Variants in SFXN5 observed in about 807,000 individuals in gnomAD.
The protein encoded by SFXN5 is sideroflexin 5.
In SFXN5, 43 loss-of-function variants were observed where a neutral mutation model predicts 50.2. The ratio of observed to expected loss-of-function variants is 0.86; its 90% CI spans 0.67 to 1.11. The LOEUF (loss-of-function observed/expected upper bound fraction) is 1.11, where lower values mean the gene tolerates loss of function less well. Ranked by LOEUF, SFXN5 falls within the 50% of genes least tolerant of loss-of-function variation. The pLI, the probability that SFXN5 is intolerant of heterozygous loss-of-function variation, is 0.00. For synonymous variants in SFXN5, 203 were observed against 185.8 expected, an observed-to-expected ratio of 1.09 and a Z score of -0.75; for missense variants, 463 against 454.1, an observed-to-expected ratio of 1.02 and a Z score of -0.18.
chr2:72,968,029 C>T (rs1056988799), intron 12 of SFXN5, among the ~76,000 whole-genome samples: 2 of 151,682 alleles, frequency 1.3e-5, no homozygotes, highest in Admixed American at 6.6e-5. Flanking sequence ...AGATGCCTAC[C>T]CAAATCTAGT....
chr2:72,954,275 G>A lies in SFXN5; in HGVS notation c.945+6856C>T, dbSNP rs114342791. Among the ~76,000 whole-genome samples the A allele has an allele frequency of 4.5e-3, 680 of 152,254 alleles. 2 individuals carry two copies. Among genetic ancestry groups the A allele is most frequent in the African/African-American group, 0.016 (663 of 41,552 alleles). On this transcript the variant is annotated intron_variant, in intron 13 of 13. Transcript: ENST00000272433. ...CCCAGGGCTGACATGGGAGGCTCAGGGCAGGAAGCCCTGGCCCTGGGAGAC... is the reference window on the plus strand; with the variant it reads ...CCCAGGGCTGACATGGGAGGCTCAGAGCAGGAAGCCCTGGCCCTGGGAGAC...
At chr2:73,019,173 G>C (rs937432348) in intron 6 of SFXN5, among the ~76,000 whole-genome samples, 5 of 152,166 alleles carry the variant, frequency 3.3e-5, no homozygotes, top group Non-Finnish European at 7.3e-5. Context: ...AAAGAAGCCA[G>C]ACACAAAAGA....
At position 72,968,464 on chromosome 2, in the gene SFXN5, T is replaced by C; in HGVS notation, c.811A>G (p.Met271Val). The change falls in exon 12 of 14, where the codon ATG becomes GTG. Residue 271 changes from methionine to valine, a missense_variant. Coordinates refer to ENST00000272433, the MANE Select transcript of SFXN5 (RefSeq NM_144579.3). ...MPILVLPPIV[M>V]SMLEKTALLQ... ...CCAACTCACTTCTCCAGCATGGACA[T>C]GACGATCGGGGGTAGCACCAGGATG... is the stretch of plus-strand genomic sequence containing the variant. 1 of 1,591,796 alleles carries C rather than the reference T, an allele frequency of 6.3e-7. No homozygotes were observed. Among genetic ancestry groups the C allele is most frequent in the South Asian group, 1.1e-5 (1 of 90,674 alleles).
chr2:73,005,180 C>T (rs980306083), intron 6 of SFXN5, among the ~76,000 whole-genome samples: 5 of 152,206 alleles, frequency 3.3e-5, no homozygotes, highest in African/African-American at 1.2e-4. Flanking sequence ...ATTTCTAGCC[C>T]AGCCTCCACC....
intron 2 of SFXN5, among the ~76,000 whole-genome samples, chr2:73,045,928 G>A (rs536645629): frequency 1.6e-4 from 25 of 152,164 alleles, no homozygotes; most frequent in Admixed American, 1.2e-3. Flanking sequence ...CCAGGGACAC[G>A]TCGCTTTCCC....
intron 13 of SFXN5, among the ~76,000 whole-genome samples, chr2:72,948,183 A>G (rs1672162254): frequency 6.6e-6 from 1 of 152,212 alleles, no homozygotes; most frequent in South Asian, 2.1e-4. Context: ...CTTTTGCACC[A>G]TATGTCATTC....
intron 13 of SFXN5, among the ~76,000 whole-genome samples, chr2:72,947,290 G>A (rs554540324): frequency 6.6e-6 from 1 of 152,342 alleles, no homozygotes; most frequent in African/African-American, 2.4e-5. Context: ...AAGAGCACTG[G>A]AATAGAATAG....
intron 6 of SFXN5, among the ~76,000 whole-genome samples, chr2:73,018,445 T>C (rs1676437045): frequency 6.6e-6 from 1 of 152,046 alleles, no homozygotes; most frequent in African/African-American, 2.4e-5. Flanking sequence ...GAGTACATTT[T>C]TACCCACTGA....
intron 3 of SFXN5, among the ~76,000 whole-genome samples, chr2:73,035,112 G>C (rs141318829): frequency 6.6e-6 from 1 of 152,156 alleles, no homozygotes; most frequent in South Asian, 2.1e-4. Flanking sequence ...ACAAGTTTAT[G>C]TGAAGATTAG....
chr2:73,000,994 T>G (rs1673832588), intron 7 of SFXN5, among the ~76,000 whole-genome samples: 2 of 152,226 alleles, frequency 1.3e-5, no homozygotes, highest in South Asian at 4.1e-4. Flanking sequence ...CAGACAGGTT[T>G]TCCTTCCTGC....
At chr2:73,050,194 C>A (rs1681058554) in intron 2 of SFXN5, among the ~76,000 whole-genome samples, 1 of 152,158 alleles carries the variant, frequency 6.6e-6, no homozygotes, top group Admixed American at 6.5e-5. Context: ...CTGCGGCTTT[C>A]CCAGGCTGGT....
intron 13 of SFXN5, among the ~76,000 whole-genome samples, chr2:72,951,948 A>G (rs1460324341): frequency 6.6e-6 from 1 of 152,184 alleles, no homozygotes; most frequent in Non-Finnish European, 1.5e-5. Context: ...AGGGCTGGGC[A>G]GGCCCCATGT....
intron 10 of SFXN5, among the ~76,000 whole-genome samples, chr2:72,976,451 CAAGTA>C (rs1273901498): frequency 6.6e-6 from 1 of 151,938 alleles, no homozygotes; most frequent in Non-Finnish European, 1.5e-5. Context: ...TTTTTTTCTT[CAAGTA>C]AAGAACAAAT....
intron 2 of SFXN5, among the ~76,000 whole-genome samples, chr2:73,054,074 G>A (rs576739518): frequency 2.0e-5 from 3 of 152,302 alleles, no homozygotes; most frequent in Admixed American, 1.3e-4. Context: ...GAGAGCCAAT[G>A]AGGAGTATGG....
In SFXN5 at chr2:72,961,784, G is replaced by T. The variant is rs1673777077; in HGVS notation, c.828-536C>A. ...TGTGAGAACAGAAGACACCCCACTG[G>T]CCACCTTGTCAATTTCAACCCAAGG... On this transcript the variant is annotated intron_variant, in intron 12 of 13. Coordinates refer to ENST00000272433, the MANE Select transcript of SFXN5 (RefSeq NM_144579.3). The surrounding 1 kb of genome is among the most constrained non-coding windows in gnomAD (Gnocchi z 4.4). Among the ~76,000 whole-genome samples, 1 of 152,170 alleles carries T rather than the reference G, an allele frequency of 6.6e-6. No homozygotes were observed. Among genetic ancestry groups the T allele is most frequent in the African/African-American group, 2.4e-5 (1 of 41,440 alleles).
At chr2:73,035,811 C>G (rs376876095) in intron 3 of SFXN5, among the ~76,000 whole-genome samples, 1 of 152,106 alleles carries the variant, frequency 6.6e-6, no homozygotes, top group East Asian at 1.9e-4. Flanking sequence ...GTATAGCAAC[C>G]TTTAAACAAG....
intron 2 of SFXN5, among the ~76,000 whole-genome samples, chr2:73,047,214 T>G (rs2105954579): frequency 2.3e-5 from 1 of 42,950 alleles, no homozygotes; most frequent in Non-Finnish European, 4.8e-5. Flanking sequence ...TGAGACTCCA[T>G]CTCGTAAAAA....
In SFXN5 at chr2:73,047,277, C is replaced by CACACATATATATATATATATATAT. The variant is rs1277443036; in HGVS notation, c.172-6347_172-6346insATATATATATATATATATATGTGT. Among the ~76,000 whole-genome samples, 21 of 56,788 alleles carry CACACATATATATATATATATATAT rather than the reference C, an allele frequency of 3.7e-4. 1 individual carries two copies. Among genetic ancestry groups the CACACATATATATATATATATATAT allele is most frequent in the South Asian group, 6.6e-4 (1 of 1,518 alleles). 37.3% of individuals were successfully genotyped at this position (56,788 alleles called of 152,430 possible). ...ATATATATATATATATATATATATA[C>CACACATATATATATATATATATAT]ACACATATATATATATATATAAAAT... On this transcript the variant is annotated intron_variant, in intron 2 of 13. Transcript: ENST00000272433.
chr2:73,051,500 C>T lies in SFXN5; in HGVS notation c.171+7028G>A, dbSNP rs112778452. Among the ~76,000 whole-genome samples, 1,258 of 152,260 alleles carry T rather than the reference C, an allele frequency of 8.3e-3. 7 individuals carry two copies. Among genetic ancestry groups the T allele is most frequent in the Middle Eastern group, 0.017 (5 of 294 alleles). On this transcript the variant is annotated intron_variant, in intron 2 of 13. Transcript: ENST00000272433. ...CTTGAACTCCTGACCTTGTGATCCACCTGCCTCGGCCTCCCAAAGTGCTGG... is the reference window on the plus strand; with the variant it reads ...CTTGAACTCCTGACCTTGTGATCCATCTGCCTCGGCCTCCCAAAGTGCTGG...
Sources: allele counts gnomAD v4.1 joint callset (sites outside exome capture counted in the v4.1 genomes callset), GRCh38; gene constraint gnomAD v4.1.1; non-coding constraint Gnocchi (gnomAD v3.1); transcripts MANE v1.5; gene names NCBI Gene and HGNC (gene_info 2026-07-23, HGNC 2026-07-21).